MPI: variants seen among roughly 807,000 people sequenced by gnomAD.
The protein encoded by MPI is mannose phosphate isomerase.
In MPI, 33 loss-of-function variants were observed where a neutral mutation model predicts 40.1. The observed-to-expected ratio is 0.82, with a 90% confidence interval of 0.62 to 1.10. The LOEUF is 1.10. MPI is among the 50% of genes least tolerant of loss of function. The pLI is 0.00. For missense variants in MPI, 514 were observed against 524.1 expected, an observed-to-expected ratio of 0.98 and a Z score of 0.19; for synonymous variants, 187 against 207.4, an observed-to-expected ratio of 0.90 and a Z score of 0.85.
At position 74,900,193 on chromosome 15, in the gene MPI, G is replaced by A. The variant is rs2064894418; in HGVS notation, c.*2463G>A. The A allele has an allele frequency of 6.6e-6, 1 of 152,226 alleles. No individual in the cohort carries two copies. Among genetic ancestry groups the A allele is most frequent in the Non-Finnish European group, 1.5e-5 (1 of 68,076 alleles). The allele number at this position is 152,226 out of a possible 1,614,324, so 9.4% of individuals were successfully genotyped here. A position where few individuals can be genotyped will look rare whatever the true frequency, so the allele number is the denominator to read the frequency against. ...CAGTTTGGCCCTGGGCACATTGGTG[G>A]TATTTTGGTATGTGGCCACTGGCCC... On this transcript the variant is annotated 3_prime_UTR_variant, in exon 8 of 8. Transcript: ENST00000352410.
intron 5 of MPI, chr15:74,893,618 C>T (rs2064759397): frequency 3.3e-6 from 2 of 598,274 alleles, no homozygotes; most frequent in South Asian, 2.0e-5. Flanking sequence ...CCTAGCCCTG[C>T]AGCTGCCCTC....
intron 1 of MPI, 103 bp from the exon 2 acceptor site, chr15:74,890,424 G>T: frequency 6.7e-7 from 1 of 1,500,778 alleles, no homozygotes; most frequent in South Asian, 1.1e-5. Flanking sequence ...ACCCTTATTT[G>T]ACTCTGTCCC....
In MPI at chr15:74,901,832, C is replaced by T. The variant is rs1307608539; in HGVS notation, c.*4102C>T. ...CCAGTACCTTCGACCTAATCTTTAG[C>T]TCAAAGACTGGGTGAAGAAACTCAC... On this transcript the variant is annotated 3_prime_UTR_variant, in exon 8 of 8. Coordinates refer to ENST00000352410, the MANE Select transcript of MPI (RefSeq NM_002435.3). The T allele has an allele frequency of 3.0e-6, 1 of 330,058 alleles. No individual in the cohort carries two copies. The highest frequency in any genetic ancestry group is 5.4e-6 in the Non-Finnish European group (1 of 184,320). The allele number at this position is 330,058 out of a possible 1,614,324, so 20.4% of individuals were successfully genotyped here.
intron 5 of MPI, chr15:74,895,749 G>T (rs2141205804): frequency 1.0e-5 from 2 of 192,690 alleles, no homozygotes; most frequent in South Asian, 2.1e-4. Context: ...CCCAGATAGG[G>T]GTTGCTAGTG....
At chr15:74,890,793 A>G (rs1021388122) in intron 2 of MPI, 139 bp downstream of exon 2, 15 of 1,112,938 alleles carry the variant, frequency 1.3e-5, no homozygotes, top group East Asian at 7.2e-5. Context: ...CTAATGGACT[A>G]GATAGTGTTA....
intron 7 of MPI, 34 bp downstream of exon 7, chr15:74,897,253 T>C (rs1415901001): frequency 6.2e-7 from 1 of 1,606,896 alleles, no homozygotes. Flanking sequence ...GTCCTTCGTG[T>C]GCCATGAAAA....
intron 3 of MPI, 115 bp downstream of exon 3, chr15:74,891,694 A>G (rs2064729681): frequency 3.4e-6 from 4 of 1,165,240 alleles, no homozygotes; most frequent in Non-Finnish European, 5.1e-6. Context: ...GCCCAAGGCC[A>G]AATCCAGGCT....
Position 74,899,225 on chromosome 15 carries a change from C to G in MPI, c.*1495C>G, listed in dbSNP as rs552176913. The G allele has an allele frequency of 6.6e-6, 1 of 152,198 alleles. No homozygotes were observed. The highest frequency in any genetic ancestry group is 1.5e-5 in the Non-Finnish European group (1 of 68,038). 9.4% of individuals were successfully genotyped at this position (152,198 alleles called of 1,614,324 possible). ...GCTGCTGAGGTTTCTGACCTGCAAT[C>G]GTAGATCCTGTCACCACAGACTAAT... On this transcript the variant is annotated 3_prime_UTR_variant, in exon 8 of 8. Transcript: ENST00000352410.
chr15:74,891,210 A>G (rs1055258500), intron 2 of MPI, among the ~76,000 whole-genome samples, 169 bp from the exon 3 acceptor site: 7 of 152,256 alleles, frequency 4.6e-5, no homozygotes, highest in South Asian at 2.1e-4. Flanking sequence ...GCCTGGGTCT[A>G]CTGCCTCCCT....
intron 5 of MPI, among the ~76,000 whole-genome samples, chr15:74,894,095 TG>T (rs2064775884): frequency 3.6e-5 from 2 of 54,968 alleles, no homozygotes; most frequent in African/African-American, 8.2e-5. Context: ...TGTGTGTGTG[TG>T]TGTGTGTGTG....
At chr15:74,894,989 C>T (rs1387897134) in intron 5 of MPI, among the ~76,000 whole-genome samples, 1 of 148,906 alleles carries the variant, frequency 6.7e-6, no homozygotes, top group Admixed American at 6.7e-5. Flanking sequence ...TTTTTTGAGA[C>T]GGAGTCTCGC....
At chr15:74,890,166 G>A in intron 1 of MPI, 77 bp downstream of exon 1, 1 of 1,583,010 alleles carries the variant, frequency 6.3e-7, no homozygotes, top group East Asian at 2.3e-5. Context: ...TTATCGGCCA[G>A]GTTGAGTCCG....
chr15:74,891,893 A>G (rs1471368292), intron 3 of MPI, among the ~76,000 whole-genome samples: 2 of 152,130 alleles, frequency 1.3e-5, no homozygotes, highest in Non-Finnish European at 2.9e-5. Flanking sequence ...GCTTTCAGGA[A>G]GAGTTCAACT....
Position 74,899,029 on chromosome 15 carries a change from A to C in MPI, c.*1299A>C, listed in dbSNP as rs1016518453. The C allele has an allele frequency of 6.6e-5, 10 of 152,228 alleles. No individual in the cohort carries two copies. The highest frequency in any genetic ancestry group is 2.4e-4 in the African/African-American group (10 of 41,452). 9.4% of individuals were successfully genotyped at this position (152,228 alleles called of 1,614,324 possible). A position where few individuals can be genotyped will look rare whatever the true frequency, so the allele number is the denominator to read the frequency against. The stretch of plus-strand genomic sequence containing the variant: ...TGACTGTCAACCACTTCTCTACAAC[A>C]TACTCAACTGTTGCAGATTACAGGG... On this transcript the variant is annotated 3_prime_UTR_variant, in exon 8 of 8. Transcript: ENST00000352410.
Position 74,900,947 on chromosome 15 carries a change from T to A in MPI, c.*3217T>A, listed in dbSNP as rs1450175673. On this transcript the variant is annotated 3_prime_UTR_variant, in exon 8 of 8. Coordinates refer to ENST00000352410, the MANE Select transcript of MPI (RefSeq NM_002435.3). ...CACAGGATTACCATCGTAAGGATGG[T>A]TGTCAGACAAATAACAAATAAGGCC... The A allele has an allele frequency of 6.6e-6, 1 of 152,212 alleles. No individual in the cohort carries two copies. Among genetic ancestry groups the A allele is most frequent in the Non-Finnish European group, 1.5e-5 (1 of 68,036 alleles). 9.4% of individuals were successfully genotyped at this position (152,212 alleles called of 1,614,324 possible).
chr15:74,897,265 C>G (rs1332393083), intron 7 of MPI, 46 bp downstream of exon 7: 1 of 1,598,500 alleles, frequency 6.3e-7, no homozygotes, highest in South Asian at 1.1e-5. Context: ...CCATGAAAAT[C>G]TCTGGCAAGG....
In MPI at chr15:74,891,170, T is replaced by C. The variant is rs529658136; in HGVS notation, c.145-209T>C. ...GGGAAATAACTAGTCCAAGTCTTCA[T>C]AGATGGCTAGAGGCCGAGTCTGGAC... On this transcript the variant is annotated intron_variant, in intron 2 of 7. Transcript: ENST00000352410. The C allele has an allele frequency of 1.8e-4, 116 of 634,724 alleles. 1 individual carries two copies. The highest frequency in any genetic ancestry group is 1.7e-3 in the Middle Eastern group (7 of 4,016). 39.3% of individuals were successfully genotyped at this position (634,724 alleles called of 1,614,324 possible).
chr15:74,894,871 AT>A (rs1156842150), intron 5 of MPI, among the ~76,000 whole-genome samples: 1 of 151,788 alleles, frequency 6.6e-6, no homozygotes, highest in Non-Finnish European at 1.5e-5. Context: ...GGCTGAGCTC[AT>A]TTTCCCTTGT....
chr15:74,893,406 C>G lies in MPI; in HGVS notation c.670+86C>G, dbSNP rs748201211. ...CCAGACTCTGGGGACAGTTCTCAAC[C>G]CCCTTGCCCAAGTGGAACACTAAAA... is the stretch of plus-strand genomic sequence containing the variant. On this transcript the variant is annotated intron_variant, in intron 5 of 7. Transcript: ENST00000352410. 3 of 1,496,146 alleles carry G rather than the reference C, an allele frequency of 2.0e-6. No homozygotes were observed. The South Asian group carries it at 3.4e-5, about 17-fold the overall frequency. 92.7% of individuals were successfully genotyped at this position (1,496,146 alleles called of 1,614,324 possible).
Sources: gnomAD v4.1 joint callset for allele counts (sites outside exome capture counted in the v4.1 genomes callset) on GRCh38, gnomAD v4.1.1 for gene constraint, MANE v1.5 for transcripts, NCBI Gene and HGNC (gene_info 2026-07-23, HGNC 2026-07-21) for gene names.